GPSM2: variants seen among roughly 807,000 people sequenced by gnomAD.
The protein encoded by GPSM2 is G protein-signaling modulator 2.
Under a neutral mutation model 78.4 loss-of-function variants are expected in GPSM2, and 58 were observed. The ratio of observed to expected loss-of-function variants is 0.74; its 90% CI spans 0.60 to 0.92. The LOEUF is 0.92. Ranked by LOEUF, GPSM2 falls within the 40% of genes least tolerant of loss-of-function variation. The pLI is 0.00. For synonymous variants in GPSM2, 224 were observed against 280.2 expected (o/e 0.80, Z 2.00); for missense variants, 700 against 815.5 (o/e 0.86, Z 1.73).
Position 108,931,133 on chromosome 1 carries a change from G to A in GPSM2, c.*1193G>A, listed in dbSNP as rs367688326. 5.5e-6 allele frequency: 3 copies of A among 546,630 alleles called. No homozygotes were observed. The highest frequency in any genetic ancestry group is 5.1e-4 in the Middle Eastern group (1 of 1,946). The allele number at this position is 546,630 out of a possible 1,614,324, so 33.9% of individuals were successfully genotyped here. A position where few individuals can be genotyped will look rare whatever the true frequency, so the allele number is the denominator to read the frequency against. ...GTCTCTTCTGTTCCATAATACTGCT[G>A]TAAAACAAACTTTTCTAAGTTCTAA... On this transcript the variant is annotated 3_prime_UTR_variant, in exon 15 of 15. Coordinates refer to ENST00000264126, the MANE Select transcript of GPSM2 (RefSeq NM_013296.5).
intron 14 of GPSM2, among the ~76,000 whole-genome samples, chr1:108,927,860 G>A (rs1651247425): frequency 1.3e-5 from 2 of 152,132 alleles, no homozygotes; most frequent in South Asian, 2.1e-4. Context: ...CTACACAGGA[G>A]GCTGAGGTGG....
At chr1:108,896,815 A>C in intron 2 of GPSM2, 49 bp from the exon 3 acceptor site, 1 of 1,320,372 alleles carries the variant, frequency 7.6e-7, no homozygotes, top group Non-Finnish European at 1.1e-6. Flanking sequence ...AAATACTGTG[A>C]TGCAGCTGTA....
At position 108,922,431 on chromosome 1, in the gene GPSM2, T is replaced by C. The variant is rs771174370; in HGVS notation, c.1455T>C (p.Asp485=). The C allele has an allele frequency of 2.5e-6, 4 of 1,609,636 alleles. No individual in the cohort carries two copies. In the South Asian group the frequency reaches 4.4e-5, roughly 18 times the overall value. Residue 485 remains aspartate, a synonymous_variant, in exon 13 of 15, where the codon GAT becomes GAC. Transcript: ENST00000264126. ...IPNSQRKISA[D]TIGDEGFFDL... ...CAATATTTTAGAAAATCAGTGCAGATACTATTGGAGATGAAGGGTTCTTTG... is the reference window on the plus strand; with the variant it reads ...CAATATTTTAGAAAATCAGTGCAGACACTATTGGAGATGAAGGGTTCTTTG...
intron 10 of GPSM2, among the ~76,000 whole-genome samples, chr1:108,905,037 C>G (rs1051903161): frequency 6.6e-6 from 1 of 152,056 alleles, no homozygotes; most frequent in Non-Finnish European, 1.5e-5. Context: ...TCTACCTTTA[C>G]TTTTTCCAAT....
chr1:108,884,181 G>A lies in GPSM2; in HGVS notation c.-248-1094G>A, dbSNP rs531419617. 3.9e-5 allele frequency among the ~76,000 whole-genome samples: 6 copies of A among 152,194 alleles called. No homozygotes were observed. In the East Asian group the frequency reaches 1.2e-3, roughly 29 times the overall value. On this transcript the variant is annotated intron_variant, in intron 1 of 14. Coordinates refer to ENST00000264126, the MANE Select transcript of GPSM2 (RefSeq NM_013296.5). ...TGGTCTTGAACTCCTGGCCTCAAGT[G>A]ATCACCTGTGTCTGCCTCCCAAAGT...
At chr1:108,909,982 A>T (rs1032695390) in intron 10 of GPSM2, 1 of 144,770 alleles carries the variant, frequency 6.9e-6, no homozygotes. Context: ...ACAAACAAAC[A>T]AAAAAAAACA....
chr1:108,932,624 C>T lies in GPSM2; in HGVS notation c.*2684C>T, dbSNP rs1273932800. 4 of 152,218 alleles carry T rather than the reference C, an allele frequency of 2.6e-5. No homozygotes were observed. Among genetic ancestry groups the T allele is most frequent in the African/African-American group, 9.6e-5 (4 of 41,466 alleles). 9.4% of individuals were successfully genotyped at this position (152,218 alleles called of 1,614,324 possible). A position where few individuals can be genotyped will look rare whatever the true frequency, so the allele number is the denominator to read the frequency against. On this transcript the variant is annotated 3_prime_UTR_variant, in exon 15 of 15. Transcript: ENST00000264126. Reference sequence around the variant, plus strand: ...CACAGTTACAGTCTATCACCTGGGGCATTCACTACTTTTCAGAGTCAGATC... The same window carrying T: ...CACAGTTACAGTCTATCACCTGGGGTATTCACTACTTTTCAGAGTCAGATC...
intron 4 of GPSM2, 149 bp from the exon 5 acceptor site, chr1:108,897,810 T>C: frequency 1.1e-6 from 1 of 924,130 alleles, no homozygotes; most frequent in East Asian, 2.6e-5. Context: ...GTAAGAGGTC[T>C]TTCATAAGTA....
chr1:108,891,484 T>C (rs549917709), intron 2 of GPSM2, among the ~76,000 whole-genome samples: 47 of 152,166 alleles, frequency 3.1e-4, no homozygotes, highest in African/African-American at 1.1e-3. Context: ...ATACCTATCT[T>C]AGAAGGTTAT....
rs775142959 is a variant in GPSM2 at position 108,898,049 on chromosome 1, G to T, written c.505G>T (p.Glu169Ter). 6.2e-7 allele frequency: 1 copy of T among 1,613,964 alleles called. No individual in the cohort carries two copies. The highest frequency in any genetic ancestry group is 8.5e-7 in the Non-Finnish European group (1 of 1,179,940). ...TTGCCCTGGTCCCCAGGATGTAGGA[G>T]AATTTCCAGAAGAAGTGAGAGATGC... is the stretch of plus-strand genomic sequence containing the variant. ...FGCPGPQDVG[E>*]FPEEVRDALQ... Residue 169 changes from glutamate to a stop codon, truncating the protein, a stop_gained, in exon 5 of 15, where the codon GAA (glutamate) becomes TAA (stop). Coordinates refer to ENST00000264126, the MANE Select transcript of GPSM2 (RefSeq NM_013296.5). LOFTEE classifies it high-confidence loss of function.
intron 14 of GPSM2, among the ~76,000 whole-genome samples, chr1:108,927,406 T>G (rs534161611): frequency 3.9e-4 from 59 of 152,278 alleles, no homozygotes; most frequent in Non-Finnish European, 7.4e-4. Flanking sequence ...AAAGCTACAT[T>G]AATCAAAGCA....
rs745587821 is a variant in GPSM2 at position 108,929,867 on chromosome 1, G to T, written c.1982G>T (p.Gly661Val). 6 of 1,613,748 alleles carry T rather than the reference G, an allele frequency of 3.7e-6. No individual in the cohort carries two copies. The highest frequency in any genetic ancestry group is 4.2e-6 in the Non-Finnish European group (5 of 1,179,808). The change falls in exon 15 of 15, where the codon GGG becomes GTG. Residue 661 changes from glycine (G) to valine (V), a missense_variant. By Grantham distance (109) the Gly-to-Val change is moderately radical (BLOSUM62 -3). Coordinates refer to ENST00000264126, the MANE Select transcript of GPSM2 (RefSeq NM_013296.5). ...QRDQNRDTDF[G>V]LKDFLQNNAL... is the part of the protein sequence containing the mutation. Reference sequence around the variant, plus strand: ...GATCAAAACAGAGACACTGACTTTGGGCTAAAGGACTTTTTGCAAAATAAT... The same window carrying T: ...GATCAAAACAGAGACACTGACTTTGTGCTAAAGGACTTTTTGCAAAATAAT...
chr1:108,927,286 T>C (rs1651179529), intron 14 of GPSM2, among the ~76,000 whole-genome samples: 1 of 152,120 alleles, frequency 6.6e-6, no homozygotes, highest in Non-Finnish European at 1.5e-5. Context: ...CCTACAGAAA[T>C]AGAAAATATA....
chr1:108,911,544 A>C (rs560113627), intron 10 of GPSM2, among the ~76,000 whole-genome samples: 1 of 152,250 alleles, frequency 6.6e-6, no homozygotes, highest in South Asian at 2.1e-4. Flanking sequence ...CAAAAACACA[A>C]GCAAACAAAC....
At chr1:108,897,671 A>G (rs764961078) in intron 4 of GPSM2, 44 bp downstream of exon 4, 15 of 1,552,458 alleles carry the variant, frequency 9.7e-6, no homozygotes, top group African/African-American at 2.7e-5. Context: ...TTTTCATTCA[A>G]AGGGCTTTGC....
At chr1:108,919,818 A>T (rs1650563773) in intron 12 of GPSM2, among the ~76,000 whole-genome samples, 1 of 152,220 alleles carries the variant, frequency 6.6e-6, no homozygotes, top group South Asian at 2.1e-4. Flanking sequence ...CAGCTACCCC[A>T]TAATCTGGTA....
chr1:108,899,107 T>C (rs1278698452), intron 7 of GPSM2, 113 bp downstream of exon 7: 2 of 700,456 alleles, frequency 2.9e-6, no homozygotes, highest in Non-Finnish European at 2.6e-6. Context: ...TAAGCCTCAA[T>C]TTCCTTATCT....
At chr1:108,904,675 T>TC in intron 10 of GPSM2, among the ~76,000 whole-genome samples, 1 of 151,976 alleles carries the variant, frequency 6.6e-6, no homozygotes, top group African/African-American at 2.4e-5. Flanking sequence ...TAGTTCTTTT[T>TC]CCCCCATTTC....
At chr1:108,926,009 T>TTTTA (rs1325723139) in intron 14 of GPSM2, among the ~76,000 whole-genome samples, 1 of 152,080 alleles carries the variant, frequency 6.6e-6, no homozygotes, top group East Asian at 1.9e-4. Context: ...CTCGGGCTGC[T>TTTTA]TTTATTTTCT....
Sources: allele counts gnomAD v4.1 joint callset (sites outside exome capture counted in the v4.1 genomes callset), GRCh38; gene constraint gnomAD v4.1.1; transcripts MANE v1.5; gene names NCBI Gene and HGNC (gene_info 2026-07-23, HGNC 2026-07-21).